DTX1: variants seen among roughly 807,000 people sequenced by gnomAD.
The protein encoded by DTX1 is deltex E3 ubiquitin ligase 1, also known as E3 ubiquitin-protein ligase DTX1.
In DTX1, 26 loss-of-function variants were observed where a neutral mutation model predicts 57.8. The ratio of observed to expected loss-of-function variants is 0.45; its 90% confidence interval spans 0.33 to 0.62. The LOEUF is 0.62. DTX1 is among the 20% of genes least tolerant of loss of function. The pLI, the probability that DTX1 is intolerant of heterozygous loss-of-function variation, is 0.02. For synonymous variants in DTX1, 398 were observed against 394.1 expected (o/e 1.01, Z -0.12); for missense variants, 704 against 895.3 (o/e 0.79, Z 2.73).
chr12:113,067,070 T>A (rs984256392), intron 2 of DTX1, among the ~76,000 whole-genome samples: 1 of 151,974 alleles, frequency 6.6e-6, no homozygotes, highest in Admixed American at 6.6e-5. Flanking sequence ...TGAGGGAGTC[T>A]GGCGCTGGGC....
At chr12:113,065,731 C>T (rs2044699592) in intron 2 of DTX1, among the ~76,000 whole-genome samples, 2 of 148,392 alleles carry the variant, frequency 1.3e-5, no homozygotes, top group African/African-American at 2.5e-5. Context: ...AGGAGTGAAG[C>T]GTGAGGGGTT....
Position 113,082,303 on chromosome 12 carries a change from C to T in DTX1, c.941+4198C>T, listed in dbSNP as rs532843372. Among the ~76,000 whole-genome samples the T allele has an allele frequency of 1.5e-3, 224 of 152,314 alleles. 1 individual carries two copies. The highest frequency in any genetic ancestry group is 4.5e-3 in the African/African-American group (186 of 41,572). On this transcript the variant is annotated intron_variant, in intron 3 of 9. Transcript: ENST00000548759. ...GACAAGCCCGGCTCAAAGTCCCCAA[C>T]GCTCCATCTCCAAGAAACCCCCCGG... is the stretch of plus-strand genomic sequence containing the variant.
chr12:113,088,664 G>A (rs1950222603), intron 3 of DTX1, among the ~76,000 whole-genome samples: 1 of 152,182 alleles, frequency 6.6e-6, no homozygotes, highest in Non-Finnish European at 1.5e-5. Context: ...AAAGAATTCA[G>A]TAAGGTAAGG....
At chr12:113,058,589 G>T in intron 2 of DTX1, 138 bp downstream of exon 2, 2 of 1,424,300 alleles carry the variant, frequency 1.4e-6, no homozygotes, top group Non-Finnish European at 1.9e-6. Context: ...GAAAAACAGG[G>T]CAGTCTAACC....
rs1950314588 is a variant in DTX1 at position 113,097,270 on chromosome 12, GGAAGA to G, written c.*339_*343del. On this transcript the variant is annotated 3_prime_UTR_variant, in exon 10 of 10. Coordinates refer to ENST00000548759, the MANE Select transcript of DTX1 (RefSeq NM_004416.3). ...ACGTGCCTGTACTTGCCCCCAGGCT[GGAAGA>G]GAAGAGACAGAAAGACCCCATGACC... 3.6e-6 allele frequency: 1 copy of G among 277,292 alleles called. No homozygotes were observed. The highest frequency in any genetic ancestry group is 6.3e-5 in the South Asian group (1 of 15,996). 17.2% of individuals were successfully genotyped at this position (277,292 alleles called of 1,614,324 possible).
At chr12:113,081,679 A>G (rs567871855) in intron 3 of DTX1, among the ~76,000 whole-genome samples, 4 of 152,270 alleles carry the variant, frequency 2.6e-5, no homozygotes, top group Admixed American at 2.0e-4. Flanking sequence ...AACAACTTCA[A>G]GGGGGCTCGA....
chr12:113,092,421 G>T (rs1325230183), intron 3 of DTX1, among the ~76,000 whole-genome samples: 1 of 152,096 alleles, frequency 6.6e-6, no homozygotes, highest in Admixed American at 6.5e-5. Context: ...CTCATTAGTG[G>T]TTGAACTGAG....
rs781769482 is a variant in DTX1, at chr12:113,094,900, A to G, written c.1339A>G (p.Met447Val). The G allele has an allele frequency of 4.3e-6, 7 of 1,613,712 alleles. No individual in the cohort carries two copies. Among genetic ancestry groups the G allele is most frequent in the South Asian group, 2.2e-5 (2 of 91,062 alleles). The stretch of plus-strand genomic sequence containing the variant: ...GGGCCGCCTGGGCCGCTGTGGCCAC[A>G]TGTACCACCTGCTGTGCCTCGTGGC... ...LVGRLGRCGH[M>V]YHLLCLVAMY... Residue 447 changes from methionine (M) to valine (V), a missense_variant, in exon 7 of 10, where the codon ATG (methionine) becomes GTG (valine). Transcript: ENST00000548759.
chr12:113,088,271 A>G (rs1228288443), intron 3 of DTX1, among the ~76,000 whole-genome samples: 2 of 152,210 alleles, frequency 1.3e-5, no homozygotes, highest in Non-Finnish European at 2.9e-5. Flanking sequence ...CAGGGCAGTG[A>G]CTTCCTGGAG....
intron 6 of DTX1, 68 bp from the exon 7 acceptor site, chr12:113,094,721 G>A: frequency 1.3e-6 from 2 of 1,552,038 alleles, no homozygotes; most frequent in Non-Finnish European, 1.7e-6. Flanking sequence ...GACCCACCAA[G>A]GGGCAGTGCT....
chr12:113,072,572 C>T (rs2044743722), intron 2 of DTX1, among the ~76,000 whole-genome samples: 1 of 151,984 alleles, frequency 6.6e-6, no homozygotes, highest in Non-Finnish European at 1.5e-5. Flanking sequence ...TTTGCCTATA[C>T]GTTATCTCAT....
At position 113,077,749 on chromosome 12, in the gene DTX1, C is replaced by T. The variant is rs2044783521; in HGVS notation, c.585C>T (p.Ser195=). ...CGCAGTCGTGGCCCGTGGGCGCCAG[C>T]TCGGGCCAGCCCTGCTCCTGCCAGC... ...PKSQSWPVGA[S]SGQPCSCQQC... The change falls in exon 3 of 10, where the codon AGC becomes AGT. Residue 195 remains serine, a synonymous_variant. Transcript: ENST00000548759. This position sits in a 1 kb window ranked among gnomAD's most constrained non-coding sequence, Gnocchi z 7.8. The T allele has an allele frequency of 3.9e-6, 6 of 1,531,314 alleles. No individual in the cohort carries two copies. Among genetic ancestry groups the T allele is most frequent in the Non-Finnish European group, 5.2e-6 (6 of 1,144,124 alleles). The allele number at this position is 1,531,314 out of a possible 1,614,324, so 94.9% of individuals were successfully genotyped here.
At position 113,057,827 on chromosome 12, in the gene DTX1, C is replaced by G; in HGVS notation, c.-366C>G. 1 of 225,198 alleles carries G rather than the reference C, an allele frequency of 4.4e-6. No homozygotes were observed. The highest frequency in any genetic ancestry group is 1.0e-4 in the East Asian group (1 of 9,548). The allele number at this position is 225,198 out of a possible 1,614,324, so 13.9% of individuals were successfully genotyped here. A position where few individuals can be genotyped will look rare whatever the true frequency, so the allele number is the denominator to read the frequency against. ...GGCCCTGTCTGGCGGGGAAGAGGGACCAAGAGACAACACGGAAGAGGCTGG... is the reference window on the plus strand; with the variant it reads ...GGCCCTGTCTGGCGGGGAAGAGGGAGCAAGAGACAACACGGAAGAGGCTGG... On this transcript the variant is annotated 5_prime_UTR_variant, in exon 2 of 10. Coordinates refer to ENST00000548759, the MANE Select transcript of DTX1 (RefSeq NM_004416.3).
chr12:113,060,053 C>T (rs1230565513), intron 2 of DTX1, among the ~76,000 whole-genome samples: 1 of 152,082 alleles, frequency 6.6e-6, no homozygotes, highest in Non-Finnish European at 1.5e-5. Flanking sequence ...TCCAATAGTC[C>T]GGAACATTGC....
At chr12:113,066,518 A>G (rs1348447877) in intron 2 of DTX1, among the ~76,000 whole-genome samples, 4 of 146,890 alleles carry the variant, frequency 2.7e-5, no homozygotes, top group Admixed American at 2.1e-4. Flanking sequence ...ACAGAGTGAG[A>G]CTCCGTCTCA....
chr12:113,069,395 C>T (rs1261834181), intron 2 of DTX1, among the ~76,000 whole-genome samples: 3 of 152,254 alleles, frequency 2.0e-5, no homozygotes, highest in Non-Finnish European at 4.4e-5. Context: ...TCTCCGAGTG[C>T]CACGCAGCCC....
At position 113,095,583 on chromosome 12, in the gene DTX1, C is replaced by A. The variant is rs190881947; in HGVS notation, c.1638+169C>A. ...GCCACCTCCTTCACACATCTTATCTCGTTTCCTGAGCCACTGAGGTCAAGA... is the reference window on the plus strand; with the variant it reads ...GCCACCTCCTTCACACATCTTATCTAGTTTCCTGAGCCACTGAGGTCAAGA... On this transcript the variant is annotated intron_variant, in intron 9 of 9. Coordinates refer to ENST00000548759, the MANE Select transcript of DTX1 (RefSeq NM_004416.3). 6 of 818,234 alleles carry A rather than the reference C, an allele frequency of 7.3e-6. No homozygotes were observed. The Admixed American group carries it at 1.4e-4, about 19-fold the overall frequency. The allele number at this position is 818,234 out of a possible 1,614,324, so 50.7% of individuals were successfully genotyped here.
intron 2 of DTX1, among the ~76,000 whole-genome samples, 179 bp downstream of exon 2, chr12:113,058,630 A>G (rs1009929280): frequency 3.3e-5 from 5 of 152,240 alleles, no homozygotes; most frequent in Admixed American, 6.5e-5. Flanking sequence ...ATTCCAATGC[A>G]GCCTCTGAGC....
At chr12:113,073,914 A>C (rs1007183290) in intron 2 of DTX1, among the ~76,000 whole-genome samples, 1 of 152,248 alleles carries the variant, frequency 6.6e-6, no homozygotes, top group Non-Finnish European at 1.5e-5. Flanking sequence ...GATACGCAGC[A>C]TAAAGAATGC....
Sources: gnomAD v4.1 joint callset for allele counts (sites outside exome capture counted in the v4.1 genomes callset) on GRCh38, gnomAD v4.1.1 for gene constraint, Gnocchi (gnomAD v3.1) non-coding constraint, MANE v1.5 for transcripts, NCBI Gene and HGNC (gene_info 2026-07-23, HGNC 2026-07-21) for gene names.